AFF1: variants seen among roughly 807,000 people sequenced by gnomAD.
AFF1 encodes the protein AF4/FMR2 family member 1.
A neutral mutation model predicts 121.7 loss-of-function variants in AFF1; 48 were observed. The ratio of observed to expected loss-of-function variants is 0.39; its 90% confidence interval spans 0.31 to 0.50. The LOEUF (loss-of-function observed/expected upper bound fraction) is 0.50, where lower values mean the gene tolerates loss of function less well. Among genes scored for constraint, AFF1 ranks in the 20% least tolerant of loss-of-function variants. The pLI, the probability that AFF1 is intolerant of heterozygous loss-of-function variation, is 0.76. For missense variants in AFF1, 1,523 were observed against 1,511.7 expected (o/e 1.01, Z -0.12); for synonymous variants, 613 against 563.0 (o/e 1.09, Z -1.26).
At chr4:86,965,649 G>A (rs1158199750) in intron 2 of AFF1, among the ~76,000 whole-genome samples, 2 of 152,154 alleles carry the variant, frequency 1.3e-5, no homozygotes, top group African/African-American at 4.8e-5. Flanking sequence ...AGGCTAATGG[G>A]CATTTTTGAC....
At chr4:87,081,453 C>T (rs1047509981) in intron 4 of AFF1, among the ~76,000 whole-genome samples, 11 of 152,136 alleles carry the variant, frequency 7.2e-5, no homozygotes, top group African/African-American at 2.4e-4. Flanking sequence ...TGAGCCACTG[C>T]GCCCGGCCGT....
chr4:86,967,340 A>C (rs1030485925), intron 2 of AFF1, among the ~76,000 whole-genome samples: 6 of 152,274 alleles, frequency 3.9e-5, no homozygotes, highest in Admixed American at 3.9e-4. Flanking sequence ...AACAGAAGTA[A>C]ACCGTAGGGC....
chr4:87,074,069 A>C (rs1220740216), intron 4 of AFF1, among the ~76,000 whole-genome samples: 3 of 151,260 alleles, frequency 2.0e-5, no homozygotes, highest in Admixed American at 6.6e-5. Context: ...GCAGTTTCAC[A>C]CCCTCCCTGC....
chr4:87,043,874 A>G (rs1036571280), intron 2 of AFF1, among the ~76,000 whole-genome samples: 4 of 151,824 alleles, frequency 2.6e-5, no homozygotes, highest in African/African-American at 9.7e-5. Context: ...GCTGGAGTAC[A>G]GTGGTGCGAT....
chr4:86,964,699 G>A (rs1367208985), intron 2 of AFF1, among the ~76,000 whole-genome samples: 2 of 152,198 alleles, frequency 1.3e-5, no homozygotes, highest in Non-Finnish European at 2.9e-5. Context: ...CTCCCAAAGT[G>A]CTGGGATTAC....
At chr4:87,058,751 C>T (rs1377759942) in intron 4 of AFF1, among the ~76,000 whole-genome samples, 1 of 152,208 alleles carries the variant, frequency 6.6e-6, no homozygotes, top group African/African-American at 2.4e-5. Context: ...GTTCCCTCCA[C>T]AGCAAAAGCT....
At chr4:87,030,966 A>G (rs1226305484) in intron 2 of AFF1, among the ~76,000 whole-genome samples, 2 of 151,970 alleles carry the variant, frequency 1.3e-5, no homozygotes, top group East Asian at 3.9e-4. Flanking sequence ...CCACATCCAC[A>G]CTCGGTTCAT....
At chr4:86,985,481 G>A (rs1217797984) in intron 2 of AFF1, among the ~76,000 whole-genome samples, 1 of 148,950 alleles carries the variant, frequency 6.7e-6, no homozygotes, top group Non-Finnish European at 1.5e-5. Flanking sequence ...ACTCCAGCCC[G>A]GGCCGACAAC....
chr4:86,962,661 C>T (rs1328585100), intron 2 of AFF1, among the ~76,000 whole-genome samples: 2 of 152,112 alleles, frequency 1.3e-5, no homozygotes, highest in Non-Finnish European at 2.9e-5. Context: ...CAGCGCCTGG[C>T]ACTGTATGTG....
At chr4:87,098,753 T>C (rs1258188160) in intron 8 of AFF1, among the ~76,000 whole-genome samples, 3 of 152,216 alleles carry the variant, frequency 2.0e-5, no homozygotes, top group Non-Finnish European at 4.4e-5. Flanking sequence ...TTATAGCAAT[T>C]TGAAATATTT....
At chr4:86,986,074 T>TTAATTTAATG (rs1299530901) in intron 2 of AFF1, among the ~76,000 whole-genome samples, 1 of 151,122 alleles carries the variant, frequency 6.6e-6, no homozygotes, top group Non-Finnish European at 1.5e-5. Flanking sequence ...TTAATTTAAT[T>TTAATTTAATG]TAATTTAATG....
At chr4:87,084,059 C>A in intron 4 of AFF1, 61 bp from the exon 5 acceptor site, 1 of 1,449,382 alleles carries the variant, frequency 6.9e-7, no homozygotes, top group South Asian at 1.1e-5. Context: ...CAGTCATCCA[C>A]CAGTACCATC....
chr4:86,939,144 G>A (rs2149439050), intron 1 of AFF1, among the ~76,000 whole-genome samples: 1 of 152,320 alleles, frequency 6.6e-6, no homozygotes, highest in Middle Eastern at 3.4e-3. Context: ...AAGGGCCTGT[G>A]CAGGTGGAAC....
intron 12 of AFF1, among the ~76,000 whole-genome samples, chr4:87,122,789 TCAAGTA>T (rs1023790710): frequency 2.0e-5 from 3 of 147,014 alleles, no homozygotes; most frequent in Non-Finnish European, 4.4e-5. Flanking sequence ...AACTGTGCTG[TCAAGTA>T]GAAATAGAAT....
chr4:86,957,926 C>T (rs188423607), intron 2 of AFF1, among the ~76,000 whole-genome samples: 1 of 152,204 alleles, frequency 6.6e-6, no homozygotes, highest in East Asian at 1.9e-4. Flanking sequence ...CTTTGCTGAA[C>T]TATTTTAAAG....
At chr4:86,949,538 T>TTA (rs545592507) in intron 2 of AFF1, 4 of 106,786 alleles carry the variant, frequency 3.7e-5, no homozygotes, top group South Asian at 2.4e-4. Flanking sequence ...ATTATTATTA[T>TTA]TTTTTTTTTT....
At chr4:86,991,067 A>G (rs1578912310) in intron 2 of AFF1, among the ~76,000 whole-genome samples, 1 of 150,922 alleles carries the variant, frequency 6.6e-6, no homozygotes, top group African/African-American at 2.4e-5. Flanking sequence ...CAGGAAAATT[A>G]CTTGAACCCA....
At chr4:86,956,065 G>A (rs4536898) in intron 2 of AFF1, among the ~76,000 whole-genome samples, 49,487 of 152,136 alleles carry the variant, frequency 0.33, 9,577 homozygotes, top group South Asian at 0.51. Flanking sequence ...TCCTGAAATA[G>A]TGATTGGCCT....
At chr4:87,113,412 A>G (rs1418260469) in intron 11 of AFF1, among the ~76,000 whole-genome samples, 2 of 152,002 alleles carry the variant, frequency 1.3e-5, no homozygotes, top group African/African-American at 4.8e-5. Flanking sequence ...CTGGGACCAC[A>G]GGCACGTGCC....
Sources: gnomAD v4.1 joint callset for allele counts (sites outside exome capture counted in the v4.1 genomes callset) on GRCh38, gnomAD v4.1.1 for gene constraint, MANE v1.5 for transcripts, NCBI Gene and HGNC (gene_info 2026-07-23, HGNC 2026-07-21) for gene names.